Variants in STOML3 observed in about 807,000 individuals in gnomAD.
STOML3 encodes stomatin like 3.
A neutral mutation model predicts 29.5 loss-of-function variants in STOML3; 31 were observed. That is an observed-to-expected ratio of 1.05 (90% CI 0.79 to 1.42). STOML3 has a LOEUF of 1.42. STOML3 is among the 40% of genes most tolerant of loss of function. The probability of loss-of-function intolerance (pLI) is 0.00; values close to 1 mark genes in which losing one functional copy is unlikely to be tolerated. For missense variants in STOML3, 380 were observed against 363.0 expected (o/e 1.05, Z -0.38); for synonymous variants, 122 against 139.8 (o/e 0.87, Z 0.90).
At chr13:38,971,106 C>A (rs1263926649) in intron 4 of STOML3, among the ~76,000 whole-genome samples, 1 of 152,012 alleles carries the variant, frequency 6.6e-6, no homozygotes, top group Non-Finnish European at 1.5e-5. Flanking sequence ...AATCTCTGCT[C>A]ACTGCAACCT....
At chr13:38,985,911 C>CTTTTTTTTTTTTTTTTTTTTTT (rs1170409048) in intron 1 of STOML3, among the ~76,000 whole-genome samples, 20 of 85,614 alleles carry the variant, frequency 2.3e-4, no homozygotes, top group East Asian at 4.1e-4. Context: ...TCTTTTCTTT[C>CTTTTTTTTTTTTTTTTTTTTTT]TTTTTTTTTT....
At chr13:38,985,475 T>A (rs67296293) in intron 1 of STOML3, among the ~76,000 whole-genome samples, 21,972 of 152,088 alleles carry the variant, frequency 0.14, 1,902 homozygotes, top group African/African-American at 0.23. Flanking sequence ...AAAAATGTTT[T>A]CCTTGCATCA....
intron 1 of STOML3, among the ~76,000 whole-genome samples, chr13:38,988,004 C>A (rs1163864547): frequency 1.2e-4 from 11 of 91,324 alleles, no homozygotes; most frequent in Admixed American, 5.1e-4. Context: ...TATTTTATAT[C>A]ATATATTTTA....
At position 38,990,709 on chromosome 13, in the gene STOML3, C is replaced by T. The variant is rs752600579; in HGVS notation, c.13G>A (p.Val5Met). Residue 5 changes from valine to methionine, a missense_variant, in exon 1 of 7, where the codon GTG becomes ATG. Coordinates refer to ENST00000379631, the MANE Select transcript of STOML3 (RefSeq NM_145286.3). ...TTATCTTGCTTCTCAGGTGAAGACA[C>T]CCTAGAATCCATCTCATTCTTGAGA... is the stretch of plus-strand genomic sequence containing the variant. MDSR[V>M]SSPEKQDKEN... is the part of the protein sequence containing the mutation. The T allele has an allele frequency of 1.4e-5, 22 of 1,613,736 alleles. No individual in the cohort carries two copies. The African/African-American group carries it at 1.9e-4, about 14-fold the overall frequency.
In STOML3 at chr13:38,976,521, G is replaced by C; in HGVS notation, c.229+19C>G. On this transcript the variant is annotated intron_variant, in intron 3 of 6. Transcript: ENST00000379631. ...AGGTGTCCCTGATCTTTCAGGGGCA[G>C]CCACCGCGTCATTCATACCTGGCCC... 1 of 1,613,844 alleles carries C rather than the reference G, an allele frequency of 6.2e-7. No individual in the cohort carries two copies. The highest frequency in any genetic ancestry group is 2.2e-5 in the East Asian group (1 of 44,880).
chr13:38,980,206 G>C (rs1036892084), intron 1 of STOML3: 14 of 1,439,450 alleles, frequency 9.7e-6, no homozygotes, highest in Admixed American at 6.1e-5. Context: ...AATCACCCAG[G>C]CCGCGGCTTC....
Position 38,988,474 on chromosome 13 carries a change from A to T in STOML3, c.52+2196T>A, listed in dbSNP as rs1377957359. Among the ~76,000 whole-genome samples, 8 of 49,472 alleles carry T rather than the reference A, an allele frequency of 1.6e-4. No individual in the cohort carries two copies. The East Asian group carries it at 4.4e-3, about 27-fold the overall frequency. The allele number at this position is 49,472 out of a possible 152,430, so 32.5% of individuals were successfully genotyped here. A position where few individuals can be genotyped will look rare whatever the true frequency, so the allele number is the denominator to read the frequency against. On this transcript the variant is annotated intron_variant, in intron 1 of 6. Coordinates refer to ENST00000379631, the MANE Select transcript of STOML3 (RefSeq NM_145286.3). ...TTTTATATCATATATTTTATATATA[A>T]TATATTTTATATCATATATTTTATA...
intron 6 of STOML3, 137 bp downstream of exon 6, chr13:38,968,263 A>T: frequency 7.7e-7 from 1 of 1,293,114 alleles, no homozygotes; most frequent in Non-Finnish European, 1.0e-6. Flanking sequence ...TTCAGGGAAA[A>T]TTCTCAGTAA....
Position 38,968,396 on chromosome 13 carries a change from T to C in STOML3, c.651+4A>G. 6.2e-7 allele frequency: 1 copy of C among 1,614,114 alleles called. No homozygotes were observed. Among genetic ancestry groups the C allele is most frequent in the East Asian group, 2.2e-5 (1 of 44,860 alleles). On this transcript the variant is annotated splice_donor_region_variant and intron_variant, in intron 6 of 6. Transcript: ENST00000379631. The stretch of plus-strand genomic sequence containing the variant: ...CCTCCATGTGTGAACTGCACAACAC[T>C]TACCTTGGCTCTCGCTTCCCGGGTG...
intron 1 of STOML3, among the ~76,000 whole-genome samples, chr13:38,986,038 T>C (rs1156547011): frequency 6.9e-6 from 1 of 145,174 alleles, no homozygotes; most frequent in Non-Finnish European, 1.5e-5. Context: ...TTACCTGGTT[T>C]TTTTTTTTTT....
chr13:38,987,646 G>T (rs1388234496), intron 1 of STOML3, among the ~76,000 whole-genome samples: 1 of 141,410 alleles, frequency 7.1e-6, no homozygotes, highest in Admixed American at 7.6e-5. Context: ...GAATAACATT[G>T]CCTTAATATA....
Position 38,967,031 on chromosome 13 carries a change from C to T in STOML3, c.670G>A (p.Glu224Lys), listed in dbSNP as rs780638173. The T allele has an allele frequency of 6.2e-7, 1 of 1,613,838 alleles. No homozygotes were observed. The highest frequency in any genetic ancestry group is 8.5e-7 in the Non-Finnish European group (1 of 1,179,878). Residue 224 changes from glutamate (E) to lysine (K), a missense_variant, in exon 7 of 7, where the codon GAA (glutamate) becomes AAA (lysine). By Grantham distance (56) the Glu-to-Lys change is moderately conservative (BLOSUM62 1). Transcript: ENST00000379631. ...TTCAGGGATTTGGAAGCATTCATTT[C>T]TCCTTCAGCTGCAAGGACCTGAAAT... ...ARAKVLAAEG[E>K]MNASKSLKSA... is the part of the protein sequence containing the mutation.
At chr13:38,978,796 T>C (rs1316995369) in intron 1 of STOML3, among the ~76,000 whole-genome samples, 7 of 152,194 alleles carry the variant, frequency 4.6e-5, no homozygotes, top group Admixed American at 2.0e-4. Context: ...TTCATGAATA[T>C]TTAGGAGAAT....
chr13:38,978,050 G>A (rs1441008174), intron 1 of STOML3, among the ~76,000 whole-genome samples: 2 of 152,036 alleles, frequency 1.3e-5, no homozygotes, highest in South Asian at 2.1e-4. Flanking sequence ...GTGAGCCACC[G>A]CGCCCGGCCA....
intron 4 of STOML3, among the ~76,000 whole-genome samples, chr13:38,970,610 AG>A (rs1880828815): frequency 1.3e-5 from 2 of 152,190 alleles, no homozygotes; most frequent in South Asian, 4.1e-4. Context: ...TTCATCTTTA[AG>A]AAGCTTTTAC....
At chr13:38,985,364 A>G (rs1461113893) in intron 1 of STOML3, among the ~76,000 whole-genome samples, 1 of 152,180 alleles carries the variant, frequency 6.6e-6, no homozygotes, top group Non-Finnish European at 1.5e-5. Context: ...CAGAGTTTGC[A>G]ATGAGCCGAG....
At chr13:38,987,463 G>C (rs1868627463) in intron 1 of STOML3, among the ~76,000 whole-genome samples, 1 of 151,768 alleles carries the variant, frequency 6.6e-6, no homozygotes, top group Non-Finnish European at 1.5e-5. Context: ...CTCCACTCTA[G>C]CCTGGGCGAC....
chr13:38,987,275 C>A (rs557493170), intron 1 of STOML3, among the ~76,000 whole-genome samples: 1 of 152,174 alleles, frequency 6.6e-6, no homozygotes, highest in South Asian at 2.1e-4. Flanking sequence ...GTAATCCTAG[C>A]ACTTTGGGAG....
At chr13:38,974,821 T>G (rs929778171) in intron 3 of STOML3, among the ~76,000 whole-genome samples, 1 of 152,116 alleles carries the variant, frequency 6.6e-6, no homozygotes, top group African/African-American at 2.4e-5. Context: ...TCTAGAGGCC[T>G]CCAAGTTCTG....
Sources: allele counts gnomAD v4.1 joint callset (sites outside exome capture counted in the v4.1 genomes callset), GRCh38; gene constraint gnomAD v4.1.1; transcripts MANE v1.5; gene names NCBI Gene and HGNC (gene_info 2026-07-23, HGNC 2026-07-21).